MLLT10: variants seen among roughly 807,000 people sequenced by gnomAD.
MLLT10 encodes the protein protein AF-10.
In MLLT10, 30 loss-of-function variants were observed where a neutral mutation model predicts 129.1. That is an observed-to-expected ratio of 0.23 (90% confidence interval 0.17 to 0.32). The LOEUF is 0.32. MLLT10 is among the 10% of genes least tolerant of loss of function. The probability of loss-of-function intolerance (pLI) is 1.00; values close to 1 mark genes in which losing one functional copy is unlikely to be tolerated. For synonymous variants in MLLT10, 490 were observed against 446.4 expected, an observed-to-expected ratio of 1.10 and a Z score of -1.23; for missense variants, 1,119 against 1,268.3, an observed-to-expected ratio of 0.88 and a Z score of 1.79.
At chr10:21,620,615 C>T (rs1269515680) in intron 8 of MLLT10, among the ~76,000 whole-genome samples, 1 of 152,058 alleles carries the variant, frequency 6.6e-6, no homozygotes, top group Admixed American at 6.6e-5. Flanking sequence ...GAACCACTTT[C>T]TTTCTGAATT....
chr10:21,600,705 G>A (rs1289631751), intron 5 of MLLT10, among the ~76,000 whole-genome samples: 4 of 152,064 alleles, frequency 2.6e-5, no homozygotes, highest in South Asian at 4.1e-4. Context: ...ATTTTGAAAA[G>A]CAAAATCTTG....
chr10:21,713,960 T>TA lies in MLLT10; in HGVS notation c.1878+11dup, dbSNP rs2056329106. The TA allele has an allele frequency of 1.2e-6, 2 of 1,603,962 alleles. No homozygotes were observed. Among genetic ancestry groups the TA allele is most frequent in the Admixed American group, 3.4e-5 (2 of 58,482 alleles). ...TGTTGCTACAACTCAGGTAAGTTGT[T>TA]ACACTATCATGTGACAGGTAATAGG... On this transcript the variant is annotated intron_variant, in intron 14 of 22. Coordinates refer to ENST00000307729, the MANE Select transcript of MLLT10 (RefSeq NM_001195626.3).
intron 3 of MLLT10, 94 bp from the exon 4 acceptor site, chr10:21,586,200 C>T (rs948873133): frequency 1.8e-5 from 17 of 958,162 alleles, no homozygotes; most frequent in Non-Finnish European, 2.4e-5. Context: ...AAATGCTGCT[C>T]TCACATTTTC....
At chr10:21,667,670 A>T (rs1015734546) in intron 9 of MLLT10, among the ~76,000 whole-genome samples, 2 of 152,046 alleles carry the variant, frequency 1.3e-5, no homozygotes, top group African/African-American at 4.8e-5. Flanking sequence ...CCAGCACATT[A>T]TGTTTTCTAA....
intron 3 of MLLT10, among the ~76,000 whole-genome samples, chr10:21,576,212 G>T (rs1433401115): frequency 6.6e-6 from 1 of 150,860 alleles, no homozygotes; most frequent in African/African-American, 2.4e-5. Flanking sequence ...TTACAGGCGT[G>T]AGCCACCGCA....
At chr10:21,693,569 ATTTG>A (rs932794244) in intron 13 of MLLT10, among the ~76,000 whole-genome samples, 27 of 152,090 alleles carry the variant, frequency 1.8e-4, no homozygotes, top group Admixed American at 1.6e-3. Context: ...GTTTAAGATC[ATTTG>A]TTTATTTTTG....
At chr10:21,644,063 G>A (rs947268680) in intron 8 of MLLT10, among the ~76,000 whole-genome samples, 1 of 152,020 alleles carries the variant, frequency 6.6e-6, no homozygotes, top group African/African-American at 2.4e-5. Flanking sequence ...TACCGTTTTA[G>A]TCTTAACCTT....
At chr10:21,705,220 T>C (rs2055378934) in intron 13 of MLLT10, among the ~76,000 whole-genome samples, 1 of 152,076 alleles carries the variant, frequency 6.6e-6, no homozygotes, top group Non-Finnish European at 1.5e-5. Context: ...GGCAGGCCAG[T>C]CTCCAGACCT....
chr10:21,591,815 C>A (rs1406250825), intron 4 of MLLT10, among the ~76,000 whole-genome samples: 1 of 151,696 alleles, frequency 6.6e-6, no homozygotes, highest in African/African-American at 2.4e-5. Flanking sequence ...CCTCTACCTC[C>A]CAGGTTCAAG....
At chr10:21,659,277 C>G (rs1002864184) in intron 9 of MLLT10, among the ~76,000 whole-genome samples, 3 of 152,070 alleles carry the variant, frequency 2.0e-5, no homozygotes, top group Non-Finnish European at 2.9e-5. Flanking sequence ...TCACACAGCC[C>G]AGACTGGTTA....
chr10:21,658,780 C>T (rs563313173), intron 9 of MLLT10, among the ~76,000 whole-genome samples: 1 of 152,216 alleles, frequency 6.6e-6, no homozygotes, highest in South Asian at 2.1e-4. Context: ...TCTCCTGCCT[C>T]AGCCTCCCGA....
At chr10:21,581,017 T>C (rs2041381918) in intron 3 of MLLT10, among the ~76,000 whole-genome samples, 1 of 151,656 alleles carries the variant, frequency 6.6e-6, no homozygotes, top group East Asian at 1.9e-4. Flanking sequence ...CAGCCTATTT[T>C]GTGTATTTTC....
chr10:21,717,515 C>T (rs1589796013), intron 14 of MLLT10, among the ~76,000 whole-genome samples: 1 of 69,182 alleles, frequency 1.4e-5, no homozygotes, highest in African/African-American at 5.5e-5. Context: ...CCTCCTCCTC[C>T]ACCACCTCCT....
chr10:21,675,287 G>A (rs1279824477), intron 11 of MLLT10, among the ~76,000 whole-genome samples: 1 of 152,120 alleles, frequency 6.6e-6, no homozygotes, highest in Non-Finnish European at 1.5e-5. Context: ...TTGACAATTT[G>A]GATGGGACAA....
chr10:21,728,812 G>T (rs1204824960), intron 16 of MLLT10, among the ~76,000 whole-genome samples: 1 of 151,752 alleles, frequency 6.6e-6, no homozygotes, highest in African/African-American at 2.4e-5. Flanking sequence ...AGGATTGCTT[G>T]AGGCCTGGAG....
chr10:21,729,033 C>T (rs530353788), intron 16 of MLLT10, among the ~76,000 whole-genome samples: 177 of 151,702 alleles, frequency 1.2e-3, no homozygotes, highest in African/African-American at 3.6e-3. Flanking sequence ...TCTAGTGATG[C>T]CTTTTTTTCT....
At position 21,551,788 on chromosome 10, in the gene MLLT10, C is replaced by T. The variant is rs774527140; in HGVS notation, c.240+12876C>T. Reference sequence around the variant, plus strand: ...TTTTTTAAATTAAGTCTAATAGTTTCTGTCTCTCTCTCTTTTTTTTTTTTT... The same window carrying T: ...TTTTTTAAATTAAGTCTAATAGTTTTTGTCTCTCTCTCTTTTTTTTTTTTT... On this transcript the variant is annotated intron_variant, in intron 3 of 22. Transcript: ENST00000307729. 1.6e-4 allele frequency: 63 copies of T among 398,016 alleles called. No homozygotes were observed. In the Middle Eastern group the frequency reaches 3.5e-3, roughly 22 times the overall value. The allele number at this position is 398,016 out of a possible 1,614,324, so 24.7% of individuals were successfully genotyped here. A position where few individuals can be genotyped will look rare whatever the true frequency, so the allele number is the denominator to read the frequency against.
intron 13 of MLLT10, 58 bp from the exon 14 acceptor site, chr10:21,713,709 TATGTG>T: frequency 7.0e-7 from 1 of 1,430,302 alleles, no homozygotes; most frequent in Non-Finnish European, 9.6e-7. Context: ...GTTTACTGAT[TATGTG>T]TGTCTGTGAC....
intron 8 of MLLT10, among the ~76,000 whole-genome samples, chr10:21,619,887 T>TCTCCTTCC (rs1212551558): frequency 1.3e-5 from 2 of 151,982 alleles, no homozygotes; most frequent in Non-Finnish European, 2.9e-5. Flanking sequence ...ACTATCTTTT[T>TCTCCTTCC]CTCCTTCCCT....
Sources: gnomAD v4.1 joint callset for allele counts (sites outside exome capture counted in the v4.1 genomes callset) on GRCh38, gnomAD v4.1.1 for gene constraint, MANE v1.5 for transcripts, NCBI Gene and HGNC (gene_info 2026-07-23, HGNC 2026-07-21) for gene names.